PPP2R3B: variants seen among roughly 807,000 people sequenced by gnomAD.
PPP2R3B encodes protein phosphatase 2 regulatory subunit B''beta.
A neutral mutation model predicts 72.9 loss-of-function variants in PPP2R3B; 68 were observed. The ratio of observed to expected loss-of-function variants is 0.93; its 90% CI spans 0.77 to 1.14. PPP2R3B has a LOEUF of 1.14. Among genes scored for constraint, PPP2R3B ranks in the 50% most tolerant of loss-of-function variants. The probability of loss-of-function intolerance (pLI) is 0.00; values close to 1 mark genes in which losing one functional copy is unlikely to be tolerated. For synonymous variants in PPP2R3B, 466 were observed against 375.8 expected (o/e 1.24, Z -2.78); for missense variants, 1,018 against 842.0 (o/e 1.21, Z -2.59).
At chrX:376,469 C>T (rs1431027873) in intron 1 of PPP2R3B, among the ~76,000 whole-genome samples, 8 of 152,140 alleles carry the variant, frequency 5.3e-5, no homozygotes, top group Non-Finnish European at 1.2e-4. Flanking sequence ...TGTACAGGGA[C>T]GGGCCGTCCA....
chrX:346,097 AGGAGG>A, intron 6 of PPP2R3B, 72 bp downstream of exon 6: 2 of 591,170 alleles, frequency 3.4e-6, no homozygotes, highest in Admixed American at 6.6e-5. Flanking sequence ...GGGAGGGGGG[AGGAGG>A]GAAGGGAAGG....
chrX:351,019 C>T (rs979134355), intron 2 of PPP2R3B, among the ~76,000 whole-genome samples: 1 of 151,694 alleles, frequency 6.6e-6, no homozygotes, highest in Non-Finnish European at 1.5e-5. Flanking sequence ...CACGGGGGGG[C>T]GTGGGGGACT....
chrX:364,264 C>A (rs1429485709), intron 1 of PPP2R3B, among the ~76,000 whole-genome samples: 1 of 152,198 alleles, frequency 6.6e-6, no homozygotes, highest in South Asian at 2.1e-4. Context: ...GCAGCCTTCA[C>A]CTGGAGCTGC....
chrX:367,875 C>G (rs757862458), intron 1 of PPP2R3B, among the ~76,000 whole-genome samples: 2 of 152,154 alleles, frequency 1.3e-5, no homozygotes, highest in Non-Finnish European at 2.9e-5. Context: ...AAAGAGCAGG[C>G]AGACAGTAGA....
intron 12 of PPP2R3B, chrX:334,946 A>G (rs1353340828): frequency 5.9e-6 from 1 of 168,200 alleles, no homozygotes; most frequent in African/African-American, 2.4e-5. Context: ...CGTTCTGACC[A>G]GAACACGCAG....
intron 2 of PPP2R3B, chrX:359,945 A>G: frequency 2.4e-6 from 1 of 425,064 alleles, no homozygotes; most frequent in Non-Finnish European, 4.6e-6. Context: ...TTACATATTT[A>G]TAAAACAAAA....
intron 7 of PPP2R3B, among the ~76,000 whole-genome samples, chrX:344,310 C>T: frequency 6.6e-6 from 1 of 150,394 alleles, no homozygotes; most frequent in Non-Finnish European, 1.5e-5. Context: ...GAGACCTCAC[C>T]AACGGGAGGC....
intron 12 of PPP2R3B, chrX:334,745 C>T (rs755036233): frequency 1.6e-4 from 76 of 482,492 alleles, no homozygotes; most frequent in African/African-American, 9.1e-4. Context: ...CCACCCAGGA[C>T]GGGACGGAGC....
At chrX:354,228 CGGGGGCTCACCCAAACACT>C (rs765033353) in intron 2 of PPP2R3B, among the ~76,000 whole-genome samples, 60,168 of 141,292 alleles carry the variant, frequency 0.43, 13,565 homozygotes, top group African/African-American at 0.5. Context: ...ACCCAGGGAC[CGGGGGCTCACCCAAACACT>C]GGGGGCTCAC....
rs868295006 is a variant in PPP2R3B at position 365,136 on chromosome X, A to C, written c.325-3546T>G. 5.7e-3 allele frequency among the ~76,000 whole-genome samples: 316 copies of C among 55,360 alleles called. 2 individuals are homozygous for C. The highest frequency in any genetic ancestry group is 8.9e-3 in the Middle Eastern group (1 of 112). The allele number at this position is 55,360 out of a possible 152,430, so 36.3% of individuals were successfully genotyped here. A position where few individuals can be genotyped will look rare whatever the true frequency, so the allele number is the denominator to read the frequency against. On this transcript the variant is annotated intron_variant, in intron 1 of 12. Coordinates refer to ENST00000390665, the MANE Select transcript of PPP2R3B (RefSeq NM_013239.5). Reference sequence around the variant, plus strand: ...GCTGAGGCAGGAGAATCGCTTCAACACAGGAGGCGGAGGTTGCAGTGAGCT... The same window carrying C: ...GCTGAGGCAGGAGAATCGCTTCAACCCAGGAGGCGGAGGTTGCAGTGAGCT...
rs921129231 is a variant in PPP2R3B, at chrX:359,997, G to C, written c.510+1408C>G. Among the ~76,000 whole-genome samples, 124 of 94,534 alleles carry C rather than the reference G, an allele frequency of 1.3e-3. 1 individual carries two copies. Among genetic ancestry groups the C allele is most frequent in the Middle Eastern group, 4.3e-3 (1 of 230 alleles). The allele number at this position is 94,534 out of a possible 152,430, so 62.0% of individuals were successfully genotyped here. The stretch of plus-strand genomic sequence containing the variant: ...AAAAACACAATCCCTAATAGAAAAA[G>C]GGCGGGGACACTTAATGTGTTCTTT... On this transcript the variant is annotated intron_variant, in intron 2 of 12. Transcript: ENST00000390665.
chrX:354,354 T>C (rs750113045), intron 2 of PPP2R3B, among the ~76,000 whole-genome samples: 1 of 142,102 alleles, frequency 7.0e-6, no homozygotes, highest in South Asian at 2.3e-4. Context: ...ACGCTACCCC[T>C]GCGTGGCCGG....
chrX:345,729 C>G, intron 6 of PPP2R3B, 57 bp from the exon 7 acceptor site: 1 of 1,393,596 alleles, frequency 7.2e-7, no homozygotes, highest in Non-Finnish European at 9.6e-7. Flanking sequence ...GCCCCAAGTC[C>G]GCCTGGCTGC....
intron 9 of PPP2R3B, 106 bp downstream of exon 9, chrX:341,201 C>T (rs1161979538): frequency 1.2e-5 from 13 of 1,114,986 alleles, no homozygotes; most frequent in African/African-American, 8.2e-5. Flanking sequence ...CCCCCTGTGC[C>T]GTGCAGCCCC....
Position 347,471 on chromosome X carries a change from C to A in PPP2R3B, c.614+119G>T, listed in dbSNP as rs2071245713. 15 of 1,351,038 alleles carry A rather than the reference C, an allele frequency of 1.1e-5. No homozygotes were observed. The South Asian group carries it at 1.7e-4, about 15-fold the overall frequency. 83.7% of individuals were successfully genotyped at this position (1,351,038 alleles called of 1,614,324 possible). On this transcript the variant is annotated intron_variant, in intron 3 of 12. Coordinates refer to ENST00000390665, the MANE Select transcript of PPP2R3B (RefSeq NM_013239.5). ...CCACACACGACGGCCAGGCCTGTGC[C>A]CGTACAAGGGTTTCTCCTCTCACTG...
chrX:363,489 C>CATCTCCCCGTGCCCACG, intron 1 of PPP2R3B, among the ~76,000 whole-genome samples: 1 of 2,182 alleles, frequency 4.6e-4, no homozygotes, highest in African/African-American at 1.3e-3. Context: ...CCGAGCCCAG[C>CATCTCCCCGTGCCCACG]ATCCCACAAT....
chrX:368,563 G>C (rs2071781152), intron 1 of PPP2R3B, among the ~76,000 whole-genome samples: 1 of 124,772 alleles, frequency 8.0e-6, no homozygotes, highest in Admixed American at 7.8e-5. Flanking sequence ...CACCGACGGG[G>C]GGAAGGCCGG....
chrX:334,777 G>C (rs1464403728), intron 12 of PPP2R3B: 4 of 415,762 alleles, frequency 9.6e-6, no homozygotes, highest in South Asian at 1.4e-4. Context: ...GCTACACACA[G>C]AGGACCTGGG....
At chrX:341,836 T>C (rs2071085221) in intron 8 of PPP2R3B, 47 bp downstream of exon 8, 1 of 1,602,008 alleles carries the variant, frequency 6.2e-7, no homozygotes, top group Admixed American at 1.7e-5. Flanking sequence ...GGGACCGGGG[T>C]CCTCGCAGGG....
Sources: allele counts gnomAD v4.1 joint callset (sites outside exome capture counted in the v4.1 genomes callset), GRCh38; gene constraint gnomAD v4.1.1; transcripts MANE v1.5; gene names NCBI Gene and HGNC (gene_info 2026-07-23, HGNC 2026-07-21).